ADGRL3: variants seen among roughly 807,000 people sequenced by gnomAD.
ADGRL3 encodes calcium-independent alpha-latrotoxin receptor 3.
In ADGRL3, 62 loss-of-function variants were observed where a neutral mutation model predicts 153.5. That is an observed-to-expected ratio of 0.40 (90% CI 0.33 to 0.50). The LOEUF (loss-of-function observed/expected upper bound fraction) is 0.50. Among genes scored for constraint, ADGRL3 ranks in the 20% least tolerant of loss-of-function variants. The probability of loss-of-function intolerance (pLI) is 0.47; values close to 1 mark genes in which losing one functional copy is unlikely to be tolerated. For synonymous variants in ADGRL3, 710 were observed against 672.5 expected (o/e 1.06, Z -0.86); for missense variants, 1,641 against 1,859.4 (o/e 0.88, Z 2.16).
At chr4:61,369,058 G>C in intron 1 of ADGRL3, among the ~76,000 whole-genome samples, 1 of 152,168 alleles carries the variant, frequency 6.6e-6, no homozygotes. Context: ...AGGAATGCTT[G>C]TGATTTGTGC....
chr4:61,366,422 T>C (rs1256662923), intron 1 of ADGRL3, among the ~76,000 whole-genome samples: 1 of 152,172 alleles, frequency 6.6e-6, no homozygotes, highest in Non-Finnish European at 1.5e-5. Context: ...CAGTGGGAAA[T>C]AACAAGATGT....
chr4:61,650,375 G>A (rs1316252266), intron 5 of ADGRL3, among the ~76,000 whole-genome samples: 2 of 152,058 alleles, frequency 1.3e-5, no homozygotes, highest in Non-Finnish European at 2.9e-5. Context: ...GAGAAGCAAT[G>A]AGTAAAAGCA....
At chr4:61,367,140 T>C (rs2096412434) in intron 1 of ADGRL3, among the ~76,000 whole-genome samples, 1 of 152,196 alleles carries the variant, frequency 6.6e-6, no homozygotes, top group African/African-American at 2.4e-5. Flanking sequence ...AAAGCTGCTG[T>C]CTGTTAGGAA....
At position 61,856,958 on chromosome 4, in the gene ADGRL3, T is replaced by TTCTG. The variant is rs1255752041; in HGVS notation, c.1481-35695_1481-35694insGTCT. Reference sequence around the variant, plus strand: ...CCTCCCTCTTTCTTCTTCTCTTTCTTTCTTTCTTTCTTTCTTTCTTTCTTT... The same window carrying TTCTG: ...CCTCCCTCTTTCTTCTTCTCTTTCTTTCTGTCTTTCTTTCTTTCTTTCTTTCTTT... On this transcript the variant is annotated intron_variant, in intron 9 of 26. Transcript: ENST00000683033. Among the ~76,000 whole-genome samples, 8 of 66,446 alleles carry TTCTG rather than the reference T, an allele frequency of 1.2e-4. No homozygotes were observed. In the East Asian group the frequency reaches 3.7e-3, roughly 30 times the overall value. The allele number at this position is 66,446 out of a possible 152,430, so 43.6% of individuals were successfully genotyped here.
chr4:61,556,966 A>T (rs1256066110), intron 4 of ADGRL3, among the ~76,000 whole-genome samples: 1 of 152,182 alleles, frequency 6.6e-6, no homozygotes, highest in Non-Finnish European at 1.5e-5. Flanking sequence ...TCTCTTCAGC[A>T]CAAGAATGTC....
intron 9 of ADGRL3, among the ~76,000 whole-genome samples, chr4:61,826,832 G>A (rs2097807578): frequency 6.6e-6 from 1 of 151,866 alleles, no homozygotes; most frequent in South Asian, 2.1e-4. Context: ...TGAGTTAATG[G>A]GTGCAGCACA....
At chr4:62,067,507 C>A (rs1018241615) in intron 25 of ADGRL3, among the ~76,000 whole-genome samples, 3 of 152,050 alleles carry the variant, frequency 2.0e-5, no homozygotes, top group East Asian at 3.9e-4. Context: ...ATAAATGTAA[C>A]CTTTTTTTCC....
intron 9 of ADGRL3, among the ~76,000 whole-genome samples, chr4:61,853,903 C>A (rs912135494): frequency 2.6e-5 from 4 of 152,172 alleles, no homozygotes; most frequent in African/African-American, 9.7e-5. Context: ...TTTATAGCCT[C>A]TTCTCTATAG....
At chr4:61,483,880 T>C (rs1011660836) in intron 2 of ADGRL3, among the ~76,000 whole-genome samples, 2 of 150,754 alleles carry the variant, frequency 1.3e-5, no homozygotes. Flanking sequence ...TATGAATTAA[T>C]AAGATTACGT....
At chr4:61,764,070 G>A (rs1413845679) in intron 8 of ADGRL3, among the ~76,000 whole-genome samples, 1 of 151,844 alleles carries the variant, frequency 6.6e-6, no homozygotes, top group African/African-American at 2.4e-5. Context: ...TATTTCCTGG[G>A]GTTTCAGGAA....
At chr4:61,681,567 T>C (rs1288902189) in intron 6 of ADGRL3, among the ~76,000 whole-genome samples, 1 of 152,100 alleles carries the variant, frequency 6.6e-6, no homozygotes, top group Non-Finnish European at 1.5e-5. Flanking sequence ...ACATTAGCCA[T>C]TTGAATAGTT....
Position 61,799,083 on chromosome 4 carries a change from GGATA to G in ADGRL3, c.1400-14702_1400-14699del, listed in dbSNP as rs150251468. ...TACAGTGGTAGATAGATAGGTAGAT[GGATA>G]GATAGATAGATAGATAGATAGATCC... On this transcript the variant is annotated intron_variant, in intron 8 of 26. Coordinates refer to ENST00000683033, the MANE Select transcript of ADGRL3 (RefSeq NM_001387552.1). Among the ~76,000 whole-genome samples the G allele has an allele frequency of 3.7e-4, 49 of 133,750 alleles. 2 individuals carry two copies. The East Asian group carries it at 4.9e-3, about 13-fold the overall frequency. 87.7% of individuals were successfully genotyped at this position (133,750 alleles called of 152,430 possible).
At chr4:61,213,892 AC>A (rs1223446194) in intron 1 of ADGRL3, among the ~76,000 whole-genome samples, 2 of 152,086 alleles carry the variant, frequency 1.3e-5, no homozygotes, top group East Asian at 3.9e-4. Flanking sequence ...AAGTATAATT[AC>A]TAGATCAAAG....
chr4:61,280,332 C>A (rs576387652), intron 1 of ADGRL3, among the ~76,000 whole-genome samples: 124 of 152,062 alleles, frequency 8.2e-4, no homozygotes, highest in Non-Finnish European at 1.5e-3. Context: ...TGGTCTCGAT[C>A]TCCTGACCTC....
chr4:61,498,355 C>T (rs1400761053), intron 3 of ADGRL3, among the ~76,000 whole-genome samples: 1 of 152,082 alleles, frequency 6.6e-6, no homozygotes, highest in Non-Finnish European at 1.5e-5. Context: ...TCGAGACCAT[C>T]CTGGCTAACA....
chr4:61,427,804 G>C (rs1308302096), intron 2 of ADGRL3: 1 of 152,656 alleles, frequency 6.6e-6, no homozygotes, highest in Non-Finnish European at 1.5e-5. Context: ...GACCCTGGAG[G>C]TCCCTTACCT....
At chr4:61,482,014 A>T (rs1283971344) in intron 2 of ADGRL3, among the ~76,000 whole-genome samples, 2 of 152,168 alleles carry the variant, frequency 1.3e-5, no homozygotes, top group African/African-American at 4.8e-5. Flanking sequence ...AATATAAATC[A>T]ATGTCCAAAA....
intron 1 of ADGRL3, among the ~76,000 whole-genome samples, chr4:61,330,833 T>C (rs1361653981): frequency 6.6e-6 from 1 of 152,080 alleles, no homozygotes; most frequent in Non-Finnish European, 1.5e-5. Context: ...AGAGTGCTGA[T>C]TGGTGCATTT....
intron 17 of ADGRL3, among the ~76,000 whole-genome samples, chr4:61,972,168 C>A (rs935558498): frequency 6.6e-6 from 1 of 152,016 alleles, no homozygotes; most frequent in Admixed American, 6.6e-5. Context: ...TTAATTAGAT[C>A]CCATTTGTCA....
Sources: gnomAD v4.1 joint callset for allele counts (sites outside exome capture counted in the v4.1 genomes callset) on GRCh38, gnomAD v4.1.1 for gene constraint, MANE v1.5 for transcripts, NCBI Gene and HGNC (gene_info 2026-07-23, HGNC 2026-07-21) for gene names.